Variants in SH3BGRL2 observed in about 807,000 individuals in gnomAD.
The protein encoded by SH3BGRL2 is SH3 domain-binding glutamic acid-rich-like protein 2.
A neutral mutation model predicts 14.8 loss-of-function variants in SH3BGRL2; 21 were observed. That is an observed-to-expected ratio of 1.42 (90% CI 1.01 to 2.05). The LOEUF (loss-of-function observed/expected upper bound fraction) is 2.05. Ranked by LOEUF, SH3BGRL2 falls within the 30% of genes most tolerant of loss-of-function variation. The pLI is 0.00. For synonymous variants in SH3BGRL2, 50 were observed against 47.8 expected, an observed-to-expected ratio of 1.05 and a Z score of -0.19; for missense variants, 147 against 130.8, an observed-to-expected ratio of 1.12 and a Z score of -0.61.
chr6:79,677,878 G>C (rs1357227755), intron 2 of SH3BGRL2, among the ~76,000 whole-genome samples: 3 of 152,130 alleles, frequency 2.0e-5, no homozygotes. Context: ...AAAGGTAAAG[G>C]AGCCAACACT....
the SH3BGRL2 span, among the ~76,000 whole-genome samples, chr6:79,562,899 G>C: frequency 6.6e-6 from 1 of 152,078 alleles, no homozygotes; most frequent in African/African-American, 2.4e-5. Context: ...GCCATCCTGG[G>C]CTGCATGCAG....
the SH3BGRL2 span, among the ~76,000 whole-genome samples, chr6:79,595,992 C>G: frequency 1.3e-5 from 2 of 151,974 alleles, no homozygotes; most frequent in African/African-American, 4.8e-5. Flanking sequence ...GGACACAGAT[C>G]AACATACAAA....
At chr6:79,666,110 C>T (rs906903348) in intron 1 of SH3BGRL2, among the ~76,000 whole-genome samples, 1 of 152,188 alleles carries the variant, frequency 6.6e-6, no homozygotes, top group Admixed American at 6.5e-5. Context: ...AACAGAGAAC[C>T]TGTCTAACAT....
the SH3BGRL2 span, among the ~76,000 whole-genome samples, chr6:79,590,455 A>ATATATGTATATG: frequency 8.6e-6 from 1 of 116,146 alleles, no homozygotes; most frequent in Non-Finnish European, 1.8e-5. Flanking sequence ...ATATATATAT[A>ATATATGTATATG]TATATATATG....
chr6:79,668,681 C>T lies in SH3BGRL2; in HGVS notation c.46-4933C>T, dbSNP rs115169527. 6.4e-3 allele frequency among the ~76,000 whole-genome samples: 973 copies of T among 152,024 alleles called. 11 individuals are homozygous for T. Among genetic ancestry groups the T allele is most frequent in the African/African-American group, 0.022 (932 of 41,438 alleles). ...AGGGAAATACCCTGAATCTCAATTG[C>T]CATATTTATAAATGTATCAACAATT... On this transcript the variant is annotated intron_variant, in intron 1 of 3. Coordinates refer to ENST00000369838, the MANE Select transcript of SH3BGRL2 (RefSeq NM_031469.4).
At chr6:79,590,063 T>G in the SH3BGRL2 span, among the ~76,000 whole-genome samples, 1 of 152,042 alleles carries the variant, frequency 6.6e-6, no homozygotes, top group Non-Finnish European at 1.5e-5. Flanking sequence ...GTGAGCCACC[T>G]TGTCAGGCTG....
the SH3BGRL2 span, among the ~76,000 whole-genome samples, chr6:79,590,421 T>TGA: frequency 6.3e-5 from 3 of 47,906 alleles, no homozygotes; most frequent in South Asian, 9.2e-4. Context: ...ATAAAGAAAA[T>TGA]GTGATATATA....
intron 1 of SH3BGRL2, among the ~76,000 whole-genome samples, chr6:79,634,069 C>A (rs1330507266): frequency 2.6e-5 from 4 of 152,144 alleles, no homozygotes; most frequent in African/African-American, 9.7e-5. Flanking sequence ...TTTATTAAAC[C>A]ACAAGGAAGG....
At chr6:79,681,951 C>CAA (rs36023109) in intron 2 of SH3BGRL2, among the ~76,000 whole-genome samples, 1 of 135,528 alleles carries the variant, frequency 7.4e-6, no homozygotes, top group Non-Finnish European at 1.6e-5. Context: ...GACTCCGTCT[C>CAA]AAAAAAAAAA....
chr6:79,550,779 G>T, the SH3BGRL2 span, among the ~76,000 whole-genome samples: 306 of 152,220 alleles, frequency 2.0e-3, 1 homozygote, highest in African/African-American at 6.8e-3. Flanking sequence ...CGAACTATTA[G>T]TGTCCCCAGC....
the SH3BGRL2 span, among the ~76,000 whole-genome samples, chr6:79,591,964 A>T: frequency 6.6e-6 from 1 of 152,202 alleles, no homozygotes; most frequent in Non-Finnish European, 1.5e-5. Flanking sequence ...ATGACCTCAT[A>T]GGTCTTTCAT....
intron 2 of SH3BGRL2, among the ~76,000 whole-genome samples, chr6:79,688,586 A>C (rs1050614222): frequency 2.0e-5 from 3 of 152,150 alleles, no homozygotes; most frequent in African/African-American, 7.2e-5. Flanking sequence ...GACTATAAGG[A>C]ATTCAGTGAG....
At chr6:79,675,229 C>T (rs1204373074) in intron 2 of SH3BGRL2, among the ~76,000 whole-genome samples, 1 of 152,058 alleles carries the variant, frequency 6.6e-6, no homozygotes, top group Non-Finnish European at 1.5e-5. Context: ...TTATTCTAGT[C>T]TTATGGTTTA....
At chr6:79,630,771 A>T (rs1168808173), upstream of SH3BGRL2, among the ~76,000 whole-genome samples, 3 of 152,212 alleles carry the variant, frequency 2.0e-5, no homozygotes, top group Admixed American at 2.0e-4. Context: ...CAGTGTGTAC[A>T]GACAAGAGAA....
the SH3BGRL2 span, among the ~76,000 whole-genome samples, chr6:79,595,817 GCTAGGTCAATTA>G: frequency 2.0e-5 from 3 of 152,162 alleles, no homozygotes; most frequent in African/African-American, 7.2e-5. Context: ...GCATGTTCTA[GCTAGGTCAATTA>G]GGCAAGAAAA....
At chr6:79,631,694 C>T (rs1350204642) in intron 1 of SH3BGRL2, among the ~76,000 whole-genome samples, 188 bp downstream of exon 1, 3 of 152,170 alleles carry the variant, frequency 2.0e-5, no homozygotes, top group Non-Finnish European at 4.4e-5. Flanking sequence ...GTGGGGGACC[C>T]CGGCCTCACC....
At chr6:79,696,606 CTT>C (rs773285568) in intron 3 of SH3BGRL2, 41 bp downstream of exon 3, 4 of 1,415,966 alleles carry the variant, frequency 2.8e-6, no homozygotes, top group Non-Finnish European at 3.8e-6. Context: ...GAATTCATCT[CTT>C]TTGAATTTTT....
chr6:79,681,603 T>C (rs1454405469), intron 2 of SH3BGRL2, among the ~76,000 whole-genome samples: 1 of 152,160 alleles, frequency 6.6e-6, no homozygotes, highest in Non-Finnish European at 1.5e-5. Context: ...GACAAGGAGA[T>C]GTGTTAGCAT....
the SH3BGRL2 span, among the ~76,000 whole-genome samples, chr6:79,610,593 G>T: frequency 5.9e-5 from 9 of 152,156 alleles, no homozygotes; most frequent in African/African-American, 2.2e-4. Context: ...TCACCCTAGG[G>T]TTCAGTGAGG....
Sources: gnomAD v4.1 joint callset for allele counts (sites outside exome capture counted in the v4.1 genomes callset) on GRCh38, gnomAD v4.1.1 for gene constraint, MANE v1.5 for transcripts, NCBI Gene and HGNC (gene_info 2026-07-23, HGNC 2026-07-21) for gene names.